BRD7: variants seen among roughly 807,000 people sequenced by gnomAD.
The protein encoded by BRD7 is bromodomain containing 7.
Under a neutral mutation model 82.1 loss-of-function variants are expected in BRD7, and 15 were observed. That is an observed-to-expected ratio of 0.18 (90% confidence interval 0.12 to 0.28). The LOEUF is 0.28. BRD7 is among the 10% of genes least tolerant of loss of function. The pLI, the probability that BRD7 is intolerant of heterozygous loss-of-function variation, is 1.00. For synonymous variants in BRD7, 232 were observed against 266.9 expected (o/e 0.87, Z 1.27); for missense variants, 638 against 779.9 (o/e 0.82, Z 2.17).
intron 8 of BRD7, among the ~76,000 whole-genome samples, chr16:50,331,754 T>G (rs981113524): frequency 7.9e-5 from 12 of 151,996 alleles, no homozygotes; most frequent in African/African-American, 2.9e-4. Context: ...AAGGCTACAA[T>G]AACCAAAACA....
chr16:50,324,624 G>T (rs1404514770), intron 11 of BRD7, among the ~76,000 whole-genome samples: 1 of 152,202 alleles, frequency 6.6e-6, no homozygotes, highest in African/African-American at 2.4e-5. Flanking sequence ...CTTTCAGGTA[G>T]CAGCCTTGCT....
intron 6 of BRD7, among the ~76,000 whole-genome samples, chr16:50,337,260 T>G (rs868557855): frequency 6.9e-6 from 1 of 145,434 alleles, no homozygotes; most frequent in Non-Finnish European, 1.5e-5. Context: ...ATTCTTCTTT[T>G]TTTTTTTTTT....
intron 2 of BRD7, among the ~76,000 whole-genome samples, chr16:50,355,272 T>C (rs766192913): frequency 2.6e-5 from 4 of 152,252 alleles, no homozygotes; most frequent in African/African-American, 4.8e-5. Context: ...AGATATACTA[T>C]GTTCATGAAT....
Position 50,320,043 on chromosome 16 carries a change from A to G in BRD7, c.1757-13T>C, listed in dbSNP as rs760903415. ...GTCACTTGTTCAGCTAAAAAGAAAA[A>G]CAAAGTTCCAGATACTAAAGCATGG... is the stretch of plus-strand genomic sequence containing the variant. On this transcript the variant is annotated splice_polypyrimidine_tract_variant and intron_variant, in intron 15 of 16. Transcript: ENST00000394688. The G allele has an allele frequency of 3.1e-6, 5 of 1,599,792 alleles. No individual in the cohort carries two copies. In the African/African-American group the frequency reaches 5.4e-5, roughly 17 times the overall value.
chr16:50,335,997 G>A (rs181852851), intron 6 of BRD7, among the ~76,000 whole-genome samples: 162 of 152,304 alleles, frequency 1.1e-3, no homozygotes, highest in African/African-American at 3.6e-3. Flanking sequence ...ATCCAGAGAA[G>A]AACAGTGTTA....
At chr16:50,335,966 T>C (rs1030655330) in intron 6 of BRD7, among the ~76,000 whole-genome samples, 2 of 152,136 alleles carry the variant, frequency 1.3e-5, no homozygotes, top group Non-Finnish European at 2.9e-5. Flanking sequence ...GAGGAGAAAA[T>C]AAAAATCCTC....
chr16:50,356,552 G>C (rs1330814985), intron 2 of BRD7, among the ~76,000 whole-genome samples: 1 of 152,080 alleles, frequency 6.6e-6, no homozygotes, highest in East Asian at 1.9e-4. Flanking sequence ...ATGAAAATGT[G>C]TAAGCATACA....
intron 5 of BRD7, among the ~76,000 whole-genome samples, chr16:50,341,792 T>C (rs1336005517): frequency 1.3e-5 from 2 of 151,932 alleles, no homozygotes; most frequent in Middle Eastern, 3.4e-3. Context: ...GAGTACTGAA[T>C]TGTTCTAATG....
At chr16:50,359,049 T>C (rs1157807013) in intron 2 of BRD7, among the ~76,000 whole-genome samples, 3 of 152,252 alleles carry the variant, frequency 2.0e-5, no homozygotes, top group South Asian at 2.1e-4. Context: ...TCAGAGTATG[T>C]TGCAGAATCT....
In BRD7 at chr16:50,332,720, GAATC is replaced by G. The variant is rs572396635; in HGVS notation, c.1011+850_1011+853del. On this transcript the variant is annotated intron_variant, in intron 8 of 16. Transcript: ENST00000394688. ...CAGCACTGTGCACAACAAAGACACAGAATCAACCTAGGTGCCCACCAACAAAGGA... is the reference window on the plus strand; with the variant it reads ...CAGCACTGTGCACAACAAAGACACAGAACCTAGGTGCCCACCAACAAAGGA... 3.7e-3 allele frequency among the ~76,000 whole-genome samples: 560 copies of G among 152,176 alleles called. 6 individuals carry two copies. The highest frequency in any genetic ancestry group is 3.5e-3 in the Non-Finnish European group (235 of 68,014).
intron 5 of BRD7, among the ~76,000 whole-genome samples, chr16:50,347,673 G>C (rs1263066462): frequency 6.6e-6 from 1 of 152,174 alleles, no homozygotes; most frequent in African/African-American, 2.4e-5. Flanking sequence ...GCTTCAAAGA[G>C]AATAAAATAG....
chr16:50,367,999 G>GTTTTCCCCAGA lies in BRD7; in HGVS notation c.258+80_258+90dup, dbSNP rs906145638. 61 of 1,265,338 alleles carry GTTTTCCCCAGA rather than the reference G, an allele frequency of 4.8e-5. No homozygotes were observed. The African/African-American group carries it at 6.1e-4, about 13-fold the overall frequency. 78.4% of individuals were successfully genotyped at this position (1,265,338 alleles called of 1,614,324 possible). On this transcript the variant is annotated intron_variant, in intron 2 of 16. Transcript: ENST00000394688. Reference sequence around the variant, plus strand: ...AACGAGCCAGATCTTAGAGGCGTTTGTTTTCCCCAGATACAAAGAAAATAA... The same window carrying GTTTTCCCCAGA: ...AACGAGCCAGATCTTAGAGGCGTTTGTTTTCCCCAGATTTTCCCCAGATACAAAGAAAATAA...
intron 15 of BRD7, 78 bp from the exon 16 acceptor site, chr16:50,320,108 C>T: frequency 6.6e-7 from 1 of 1,521,248 alleles, no homozygotes; most frequent in Non-Finnish European, 8.8e-7. Context: ...AGTAAATGTA[C>T]ACATGCAAAG....
intron 4 of BRD7, among the ~76,000 whole-genome samples, chr16:50,353,303 G>A (rs769905214): frequency 6.6e-6 from 1 of 151,976 alleles, no homozygotes; most frequent in Non-Finnish European, 1.5e-5. Flanking sequence ...GGCCTCAACT[G>A]ATCCTCCCAC....
intron 2 of BRD7, among the ~76,000 whole-genome samples, chr16:50,366,189 T>G (rs1441966331): frequency 6.6e-6 from 1 of 152,188 alleles, no homozygotes; most frequent in African/African-American, 2.4e-5. Context: ...TCAAACATGT[T>G]AGAACTTATA....
chr16:50,324,903 G>A (rs1042047026), intron 11 of BRD7, among the ~76,000 whole-genome samples: 2 of 152,150 alleles, frequency 1.3e-5, no homozygotes, highest in African/African-American at 2.4e-5. Context: ...AAGATTAAAT[G>A]GCTTGATCTG....
At position 50,319,040 on chromosome 16, in the gene BRD7, C is replaced by T; in HGVS notation, c.*171G>A. ...AAGCACATTCCTTCCTCACGAGTCC[C>T]AGGTCCAGCTTTATTACCTAATACA... On this transcript the variant is annotated 3_prime_UTR_variant, in exon 17 of 17. Transcript: ENST00000394688. 1 of 616,234 alleles carries T rather than the reference C, an allele frequency of 1.6e-6. No individual in the cohort carries two copies. Among genetic ancestry groups the T allele is most frequent in the Non-Finnish European group, 2.8e-6 (1 of 353,902 alleles). 38.2% of individuals were successfully genotyped at this position (616,234 alleles called of 1,614,324 possible).
chr16:50,322,925 C>T (rs1158270680), intron 12 of BRD7, among the ~76,000 whole-genome samples: 1 of 152,196 alleles, frequency 6.6e-6, no homozygotes, highest in Non-Finnish European at 1.5e-5. Flanking sequence ...GGTCACCCAG[C>T]AACCATATGT....
At position 50,318,664 on chromosome 16, in the gene BRD7, T is replaced by C. The variant is rs1481789213; in HGVS notation, c.*547A>G. 1 of 152,354 alleles carries C rather than the reference T, an allele frequency of 6.6e-6. No homozygotes were observed. The highest frequency in any genetic ancestry group is 1.9e-4 in the East Asian group (1 of 5,200). The allele number at this position is 152,354 out of a possible 1,614,324, so 9.4% of individuals were successfully genotyped here. A position where few individuals can be genotyped will look rare whatever the true frequency, so the allele number is the denominator to read the frequency against. The stretch of plus-strand genomic sequence containing the variant: ...GACTTAGTTTATCTTATTTGGCTTA[T>C]TACTTTGCTATAGTACTAAGTAACT... On this transcript the variant is annotated 3_prime_UTR_variant, in exon 17 of 17. Transcript: ENST00000394688.
Sources: allele counts gnomAD v4.1 joint callset (sites outside exome capture counted in the v4.1 genomes callset), GRCh38; gene constraint gnomAD v4.1.1; transcripts MANE v1.5; gene names NCBI Gene and HGNC (gene_info 2026-07-23, HGNC 2026-07-21).